Variants in PPT2 observed in about 807,000 individuals in gnomAD.
PPT2 encodes lysosomal thioesterase PPT2.
Under a neutral mutation model 37.3 loss-of-function variants are expected in PPT2, and 20 were observed. The observed-to-expected ratio is 0.54, with a 90% CI of 0.38 to 0.78. The LOEUF is 0.78. PPT2 is among the 30% of genes least tolerant of loss of function. The pLI, the probability that PPT2 is intolerant of heterozygous loss-of-function variation, is 0.00. For missense variants in PPT2, 270 were observed against 389.8 expected (o/e 0.69, Z 2.59); for synonymous variants, 135 against 159.1 (o/e 0.85, Z 1.14).
rs764221562 is a variant in PPT2, at chr6:32,162,636, G to A, written c.765+14G>A. The A allele has an allele frequency of 2.5e-6, 4 of 1,600,036 alleles. No individual in the cohort carries two copies. The highest frequency in any genetic ancestry group is 1.3e-5 in the African/African-American group (1 of 74,546). ...GAGGAGCAACTGGTGAGCCCCCTGG[G>A]ATTACTTCCCCTTCTAGCCGCTGTC... On this transcript the variant is annotated intron_variant, in intron 8 of 8. Coordinates refer to ENST00000324816, the MANE Select transcript of PPT2 (RefSeq NM_005155.7). This position sits in a 1 kb window ranked among gnomAD's most constrained non-coding sequence, Gnocchi z 5.5.
Position 32,155,668 on chromosome 6 carries a change from A to G in PPT2, c.338-20A>G, listed in dbSNP as rs1321465608. On this transcript the variant is annotated intron_variant, in intron 3 of 8. Coordinates refer to ENST00000324816, the MANE Select transcript of PPT2 (RefSeq NM_005155.7). This position sits in a 1 kb window ranked among gnomAD's most constrained non-coding sequence, Gnocchi z 4.3. Reference sequence around the variant, plus strand: ...TTTGCTGTCCTTAAGTGCCTGCCCAATGTGGTGTTCTGCTTACAGGGGGCC... The same window carrying G: ...TTTGCTGTCCTTAAGTGCCTGCCCAGTGTGGTGTTCTGCTTACAGGGGGCC... 3 of 1,607,410 alleles carry G rather than the reference A, an allele frequency of 1.9e-6. No individual in the cohort carries two copies. The highest frequency in any genetic ancestry group is 1.1e-5 in the South Asian group (1 of 90,892).
upstream of PPT2, chr6:32,154,032 T>G (rs553025838): frequency 1.7e-6 from 2 of 1,168,538 alleles, no homozygotes; most frequent in South Asian, 2.8e-5. This position sits in a 1 kb window ranked among gnomAD's most constrained non-coding sequence, Gnocchi z 7.3. Context: ...CCATTGCCCC[T>G]CCTGTCCTGG....
chr6:32,155,584 C>CTGTGTGTGTGTGTG lies in PPT2; in HGVS notation c.338-83_338-70dup, dbSNP rs28359849. The CTGTGTGTGTGTGTG allele has an allele frequency of 5.2e-4, 363 of 698,474 alleles. No homozygotes were observed. Among genetic ancestry groups the CTGTGTGTGTGTGTG allele is most frequent in the African/African-American group, 1.3e-3 (62 of 46,064 alleles). 43.3% of individuals were successfully genotyped at this position (698,474 alleles called of 1,614,324 possible). A position where few individuals can be genotyped will look rare whatever the true frequency, so the allele number is the denominator to read the frequency against. On this transcript the variant is annotated intron_variant, in intron 3 of 8. Coordinates refer to ENST00000324816, the MANE Select transcript of PPT2 (RefSeq NM_005155.7). This position sits in a 1 kb window ranked among gnomAD's most constrained non-coding sequence, Gnocchi z 4.3. ...GTACAGTGTGTGTCTGTGTGTGTCTCTGTGTGTGTGTGTGTGTGTGTGTGT... is the reference window on the plus strand; with the variant it reads ...GTACAGTGTGTGTCTGTGTGTGTCTCTGTGTGTGTGTGTGTGTGTGTGTGTGTGTGTGTGTGTGT...
chr6:32,154,428 G>T lies in PPT2; in HGVS notation c.-9+24G>T, dbSNP rs1783587292. 3 of 1,464,642 alleles carry T rather than the reference G, an allele frequency of 2.0e-6. No individual in the cohort carries two copies. The highest frequency in any genetic ancestry group is 2.7e-6 in the Non-Finnish European group (3 of 1,114,878). The allele number at this position is 1,464,642 out of a possible 1,614,324, so 90.7% of individuals were successfully genotyped here. ...TGGTGCGTCAACGTGGTGGGGGGGT[G>T]TGTTTGTAGGGAGAGGGCTGGAGTA... is the stretch of plus-strand genomic sequence containing the variant. On this transcript the variant is annotated intron_variant, in intron 1 of 8. Coordinates refer to ENST00000324816, the MANE Select transcript of PPT2 (RefSeq NM_005155.7). The surrounding 1 kb of genome is among the most constrained non-coding windows in gnomAD (Gnocchi z 7.3).
intron 7 of PPT2, among the ~76,000 whole-genome samples, chr6:32,159,038 A>G (rs1783970724): frequency 6.6e-6 from 1 of 152,090 alleles, no homozygotes; most frequent in Non-Finnish European, 1.5e-5. Flanking sequence ...TTAAAAATGT[A>G]CAGTTTTGTG....
rs9267814 is a variant in PPT2, at chr6:32,162,543, A to G, written c.711-25A>G. On this transcript the variant is annotated intron_variant, in intron 7 of 8. Transcript: ENST00000324816. This position sits in a 1 kb window ranked among gnomAD's most constrained non-coding sequence, Gnocchi z 5.5. ...CCAGATTTTCTCCAGCTCTTCTGAT[A>G]ACCTCCCCCCAAATCTCTTTGTAGC... 0.01 allele frequency: 16,392 copies of G among 1,593,696 alleles called. 124 individuals are homozygous for G. Among genetic ancestry groups the G allele is most frequent in the Non-Finnish European group, 0.011 (12,331 of 1,161,484 alleles).
rs1783575520 is a variant in PPT2 at position 32,154,307 on chromosome 6, C to A, written c.-106C>A. On this transcript the variant is annotated 5_prime_UTR_variant, in exon 1 of 9. Coordinates refer to ENST00000324816, the MANE Select transcript of PPT2 (RefSeq NM_005155.7). This position sits in a 1 kb window ranked among gnomAD's most constrained non-coding sequence, Gnocchi z 7.3. ...TGCTCACGGGTATTAAAGAACTCCG[C>A]GTTGTTCATGGCTGAGGCGATGCAT... The A allele has an allele frequency of 5.9e-6, 8 of 1,364,614 alleles. No individual in the cohort carries two copies. Among genetic ancestry groups the A allele is most frequent in the Non-Finnish European group, 7.5e-6 (8 of 1,063,008 alleles). 84.5% of individuals were successfully genotyped at this position (1,364,614 alleles called of 1,614,324 possible).
upstream of PPT2, chr6:32,153,982 G>C: frequency 7.7e-7 from 1 of 1,294,292 alleles, no homozygotes; most frequent in African/African-American, 1.5e-5. This position sits in a 1 kb window ranked among gnomAD's most constrained non-coding sequence, Gnocchi z 4.4. Context: ...GGATCGCTCC[G>C]CCTGTTTCCT....
intron 7 of PPT2, among the ~76,000 whole-genome samples, chr6:32,159,449 AAAATAT>A (rs1784000791): frequency 7.9e-6 from 1 of 126,196 alleles, no homozygotes; most frequent in South Asian, 2.7e-4. Flanking sequence ...AAAAAAAAAA[AAAATAT>A]ATATATATAT....
intron 7 of PPT2, among the ~76,000 whole-genome samples, chr6:32,160,768 G>T (rs1784102920): frequency 6.6e-6 from 1 of 151,894 alleles, no homozygotes; most frequent in Non-Finnish European, 1.5e-5. Flanking sequence ...GGAGGCCGAG[G>T]CATGAGCCCA....
chr6:32,157,542 C>A, intron 5 of PPT2, 95 bp from the exon 6 acceptor site: 1 of 1,049,120 alleles, frequency 9.5e-7, no homozygotes, highest in Non-Finnish European at 1.5e-6. Flanking sequence ...TATTACTATC[C>A]ACCTTGACTA....
intron 7 of PPT2, among the ~76,000 whole-genome samples, chr6:32,159,583 T>A (rs1373826799): frequency 1.3e-5 from 2 of 151,240 alleles, no homozygotes; most frequent in African/African-American, 4.9e-5. Flanking sequence ...GCAGGACATC[T>A]CTTAAAATAT....
chr6:32,159,595 GTAA>G (rs1217030883), intron 7 of PPT2, among the ~76,000 whole-genome samples: 4 of 150,764 alleles, frequency 2.7e-5, no homozygotes, highest in Non-Finnish European at 5.9e-5. Flanking sequence ...TTAAAATATT[GTAA>G]TAATATAATA....
upstream of PPT2, chr6:32,154,108 A>C: frequency 9.3e-7 from 1 of 1,076,928 alleles, no homozygotes. This position sits in a 1 kb window ranked among gnomAD's most constrained non-coding sequence, Gnocchi z 7.3. Flanking sequence ...GATTTGCGCG[A>C]CCCCAAGCAG....
upstream of PPT2, chr6:32,153,725 C>G (rs973524036): frequency 3.4e-6 from 5 of 1,468,446 alleles, no homozygotes; most frequent in Non-Finnish European, 4.6e-6. This position sits in a 1 kb window ranked among gnomAD's most constrained non-coding sequence, Gnocchi z 4.4. Flanking sequence ...TCCAGGCCAC[C>G]CTGCCACTCA....
Position 32,162,087 on chromosome 6 carries a change from C to T in PPT2, c.711-481C>T, listed in dbSNP as rs1465579790. Among the ~76,000 whole-genome samples, 1 of 152,160 alleles carries T rather than the reference C, an allele frequency of 6.6e-6. No individual in the cohort carries two copies. The highest frequency in any genetic ancestry group is 1.5e-5 in the Non-Finnish European group (1 of 68,030). On this transcript the variant is annotated intron_variant, in intron 7 of 8. Transcript: ENST00000324816. The surrounding 1 kb of genome is among the most constrained non-coding windows in gnomAD (Gnocchi z 5.5). Reference sequence around the variant, plus strand: ...CTTCAGTGTATCACCTCATGAAGTACATTATATCCAGTAAGGTAGTTTTGA... The same window carrying T: ...CTTCAGTGTATCACCTCATGAAGTATATTATATCCAGTAAGGTAGTTTTGA...
rs983061853 is a variant in PPT2, at chr6:32,154,239, C to T, written c.-174C>T. 8.4e-7 allele frequency: 1 copy of T among 1,192,686 alleles called. No individual in the cohort carries two copies. Among genetic ancestry groups the T allele is most frequent in the African/African-American group, 1.6e-5 (1 of 63,334 alleles). The allele number at this position is 1,192,686 out of a possible 1,614,324, so 73.9% of individuals were successfully genotyped here. A position where few individuals can be genotyped will look rare whatever the true frequency, so the allele number is the denominator to read the frequency against. Reference sequence around the variant, plus strand: ...GCGGGTGGAGCGAGGCCTACGGACCCAGGCCAGGTGGGAGTCTGCACTCTT... The same window carrying T: ...GCGGGTGGAGCGAGGCCTACGGACCTAGGCCAGGTGGGAGTCTGCACTCTT... On this transcript the variant is annotated 5_prime_UTR_variant, in exon 1 of 9. Coordinates refer to ENST00000324816, the MANE Select transcript of PPT2 (RefSeq NM_005155.7). The surrounding 1 kb of genome is among the most constrained non-coding windows in gnomAD (Gnocchi z 7.3).
Position 32,154,659 on chromosome 6 carries a change from C to CGCT in PPT2, c.75_77dup (p.Leu26dup). 6.2e-6 allele frequency: 10 copies of CGCT among 1,612,872 alleles called. No individual in the cohort carries two copies. Among genetic ancestry groups the CGCT allele is most frequent in the Non-Finnish European group, 8.5e-6 (10 of 1,179,900 alleles). ...GTCCTGCTTCTGTTGCCTTTCCTGC[C>CGCT]GCTGCTGCTGCTTGCAGCCCCCGCG... On this transcript the variant is annotated inframe_insertion, in exon 2 of 9. Coordinates refer to ENST00000324816, the MANE Select transcript of PPT2 (RefSeq NM_005155.7). The surrounding 1 kb of genome is among the most constrained non-coding windows in gnomAD (Gnocchi z 7.3).
intron 7 of PPT2, among the ~76,000 whole-genome samples, chr6:32,159,270 C>T (rs948977075): frequency 6.6e-6 from 1 of 151,602 alleles, no homozygotes; most frequent in Non-Finnish European, 1.5e-5. Flanking sequence ...CCTGTCTGTA[C>T]TAAAAATACA....
Sources: gnomAD v4.1 joint callset for allele counts (sites outside exome capture counted in the v4.1 genomes callset) on GRCh38, gnomAD v4.1.1 for gene constraint, Gnocchi (gnomAD v3.1) non-coding constraint, MANE v1.5 for transcripts, NCBI Gene and HGNC (gene_info 2026-07-23, HGNC 2026-07-21) for gene names.